Variants in ADGRL3 observed in about 807,000 individuals in gnomAD.
The protein encoded by ADGRL3 is adhesion G protein-coupled receptor L3.
A neutral mutation model predicts 153.5 loss-of-function variants in ADGRL3; 62 were observed. The observed-to-expected ratio is 0.40, with a 90% confidence interval of 0.33 to 0.50. The LOEUF is 0.50. Among genes scored for constraint, ADGRL3 ranks in the 20% least tolerant of loss-of-function variants. The probability of loss-of-function intolerance (pLI) is 0.47; values close to 1 mark genes in which losing one functional copy is unlikely to be tolerated. For synonymous variants in ADGRL3, 710 were observed against 672.5 expected, an observed-to-expected ratio of 1.06 and a Z score of -0.86; for missense variants, 1,641 against 1,859.4, an observed-to-expected ratio of 0.88 and a Z score of 2.16.
At chr4:61,948,518 T>A (rs1007040391) in intron 17 of ADGRL3, among the ~76,000 whole-genome samples, 6 of 152,130 alleles carry the variant, frequency 3.9e-5, no homozygotes, top group African/African-American at 1.4e-4. Context: ...TCCCCTAGTC[T>A]CCCTGTTATT....
Position 61,559,656 on chromosome 4 carries a change from T to C in ADGRL3, c.260-27571T>C, listed in dbSNP as rs570345866. On this transcript the variant is annotated intron_variant, in intron 4 of 26. Transcript: ENST00000683033. ...TTATGTGTTACTTTTTTTTCTGGCA[T>C]GCCACAAGGGGATGAAAGTGTGACT... is the stretch of plus-strand genomic sequence containing the variant. 2.6e-5 allele frequency among the ~76,000 whole-genome samples: 4 copies of C among 152,108 alleles called. No homozygotes were observed. In the East Asian group the frequency reaches 7.8e-4, roughly 30 times the overall value.
rs183912089 is a variant in ADGRL3 at position 61,746,111 on chromosome 4, G to T, written c.1399+12557G>T. On this transcript the variant is annotated intron_variant, in intron 8 of 26. Coordinates refer to ENST00000683033, the MANE Select transcript of ADGRL3 (RefSeq NM_001387552.1). ...CAACAAAGATCAAAGAGACAAAGAAGGCCATTAAATAATAGTAAAGAGATC... is the reference window on the plus strand; with the variant it reads ...CAACAAAGATCAAAGAGACAAAGAATGCCATTAAATAATAGTAAAGAGATC... Among the ~76,000 whole-genome samples the T allele has an allele frequency of 2.0e-4, 31 of 152,196 alleles. 1 individual carries two copies. Among genetic ancestry groups the T allele is most frequent in the Admixed American group, 1.5e-3 (23 of 15,284 alleles).
chr4:61,767,385 C>A (rs924707701), intron 8 of ADGRL3, among the ~76,000 whole-genome samples: 2 of 151,870 alleles, frequency 1.3e-5, no homozygotes, highest in Non-Finnish European at 1.5e-5. Context: ...GCCATCAATA[C>A]CCACAACAGT....
At chr4:61,856,029 T>G (rs1264064520) in intron 9 of ADGRL3, among the ~76,000 whole-genome samples, 1 of 151,578 alleles carries the variant, frequency 6.6e-6, no homozygotes, top group Admixed American at 6.6e-5. Flanking sequence ...ACCGAAAGAG[T>G]TGGGAAACCT....
At chr4:61,526,372 T>G (rs2098558647) in intron 4 of ADGRL3, among the ~76,000 whole-genome samples, 1 of 152,310 alleles carries the variant, frequency 6.6e-6, no homozygotes, top group African/African-American at 2.4e-5. Flanking sequence ...TGACTAAGTT[T>G]AGTGATTTTG....
intron 6 of ADGRL3, among the ~76,000 whole-genome samples, chr4:61,728,085 T>C (rs1219396207): frequency 6.6e-6 from 1 of 152,124 alleles, no homozygotes; most frequent in African/African-American, 2.4e-5. Context: ...TGACAAATTA[T>C]GTTGTCTTGC....
At chr4:61,423,290 A>G (rs999001266) in intron 2 of ADGRL3, among the ~76,000 whole-genome samples, 2 of 152,214 alleles carry the variant, frequency 1.3e-5, no homozygotes, top group East Asian at 1.9e-4. Flanking sequence ...GACAAACAGG[A>G]TGATTAAGAT....
At chr4:61,642,431 T>C (rs1467995822) in intron 5 of ADGRL3, among the ~76,000 whole-genome samples, 1 of 152,222 alleles carries the variant, frequency 6.6e-6, no homozygotes, top group Non-Finnish European at 1.5e-5. Flanking sequence ...GTCCAAGGTT[T>C]AAGTCTTTAA....
intron 2 of ADGRL3, among the ~76,000 whole-genome samples, chr4:61,439,675 A>G (rs561320582): frequency 1.3e-5 from 2 of 151,628 alleles, no homozygotes; most frequent in African/African-American, 4.8e-5. Flanking sequence ...TCATTGTTCA[A>G]CTCCCACTTA....
chr4:61,592,633 C>T (rs1444063526), intron 5 of ADGRL3, among the ~76,000 whole-genome samples: 2 of 152,120 alleles, frequency 1.3e-5, no homozygotes, highest in African/African-American at 2.4e-5. Context: ...AGGGCATTTA[C>T]TTATTTCTTC....
intron 8 of ADGRL3, among the ~76,000 whole-genome samples, chr4:61,804,583 T>G (rs996424143): frequency 1.3e-5 from 2 of 152,134 alleles, no homozygotes; most frequent in Admixed American, 6.5e-5. Context: ...TATTAAAAAT[T>G]TTTCACTCTT....
At chr4:61,619,771 G>A (rs1194364679) in intron 5 of ADGRL3, among the ~76,000 whole-genome samples, 2 of 152,160 alleles carry the variant, frequency 1.3e-5, no homozygotes, top group Admixed American at 6.6e-5. Context: ...AAGTTCTGGG[G>A]ACTGAAACTG....
rs1194551155 is a variant in ADGRL3, at chr4:62,031,024, G to A, written c.3423-418G>A. Reference sequence around the variant, plus strand: ...GAAAAAGAGGACATTTTGAAAAAGCGAGGTAAAAATGTATCAGAAGAAGCA... The same window carrying A: ...GAAAAAGAGGACATTTTGAAAAAGCAAGGTAAAAATGTATCAGAAGAAGCA... On this transcript the variant is annotated intron_variant, in intron 22 of 26. Transcript: ENST00000683033. Among the ~76,000 whole-genome samples the A allele has an allele frequency of 8.9e-4, 135 of 151,420 alleles. 2 individuals carry two copies. Among genetic ancestry groups the A allele is most frequent in the South Asian group, 4.1e-4 (2 of 4,828 alleles).
intron 8 of ADGRL3, among the ~76,000 whole-genome samples, chr4:61,806,688 T>C (rs1044418676): frequency 6.6e-5 from 10 of 152,100 alleles, no homozygotes; most frequent in African/African-American, 2.4e-4. Context: ...AAAGTTTTGA[T>C]AGGTGAATTG....
intron 5 of ADGRL3, among the ~76,000 whole-genome samples, chr4:61,590,511 T>C (rs1323716280): frequency 6.6e-6 from 1 of 152,114 alleles, no homozygotes; most frequent in Non-Finnish European, 1.5e-5. Context: ...TTAATTGAAA[T>C]ATTTCAGTTG....
intron 8 of ADGRL3, among the ~76,000 whole-genome samples, chr4:61,785,082 T>C (rs2097261707): frequency 6.6e-6 from 1 of 152,044 alleles, no homozygotes; most frequent in Non-Finnish European, 1.5e-5. Context: ...AATCTATAAA[T>C]TGATAGGATT....
chr4:61,658,883 T>A (rs2094514829), intron 5 of ADGRL3, among the ~76,000 whole-genome samples: 1 of 152,180 alleles, frequency 6.6e-6, no homozygotes, highest in African/African-American at 2.4e-5. Flanking sequence ...TTCCTAGAGC[T>A]GTTGTAACAA....
chr4:61,919,225 A>G (rs970514313), intron 13 of ADGRL3, among the ~76,000 whole-genome samples: 1 of 152,184 alleles, frequency 6.6e-6, no homozygotes, highest in Non-Finnish European at 1.5e-5. Flanking sequence ...CAGCTCTTTC[A>G]AGAGATTTCG....
chr4:61,780,731 G>A (rs534023775), intron 8 of ADGRL3, among the ~76,000 whole-genome samples: 5 of 152,290 alleles, frequency 3.3e-5, no homozygotes, highest in African/African-American at 1.2e-4. Flanking sequence ...CTTTCTGACT[G>A]TGTTAATTTA....
Sources: gnomAD v4.1 joint callset for allele counts (sites outside exome capture counted in the v4.1 genomes callset) on GRCh38, gnomAD v4.1.1 for gene constraint, MANE v1.5 for transcripts, NCBI Gene and HGNC (gene_info 2026-07-23, HGNC 2026-07-21) for gene names.